Variants in USP34 observed in about 807,000 individuals in gnomAD.
The protein encoded by USP34 is ubiquitin carboxyl-terminal hydrolase 34.
In USP34, 70 loss-of-function variants were observed where a neutral mutation model predicts 460.3. The observed-to-expected ratio is 0.15, with a 90% CI of 0.13 to 0.19. USP34 has a LOEUF of 0.19. Ranked by LOEUF, USP34 falls within the 10% of genes least tolerant of loss-of-function variation. The probability of loss-of-function intolerance (pLI) is 1.00; values close to 1 mark genes in which losing one functional copy is unlikely to be tolerated. For missense variants in USP34, 3,985 were observed against 4,236.2 expected, an observed-to-expected ratio of 0.94 and a Z score of 1.65; for synonymous variants, 1,647 against 1,405.3, an observed-to-expected ratio of 1.17 and a Z score of -3.85.
At position 61,394,723 on chromosome 2, in the gene USP34, ATTTT is replaced by A. The variant is rs2103901668; in HGVS notation, c.753+126_753+129del. 4 of 632,202 alleles carry A rather than the reference ATTTT, an allele frequency of 6.3e-6. No individual in the cohort carries two copies. The East Asian group carries it at 1.3e-4, about 21-fold the overall frequency. The allele number at this position is 632,202 out of a possible 1,614,324, so 39.2% of individuals were successfully genotyped here. ...AGATCGTTAAAACGTTTCTGTACTC[ATTTT>A]GTCAAAATAAAAAAAAATTACACAT... is the stretch of plus-strand genomic sequence containing the variant. On this transcript the variant is annotated intron_variant, in intron 5 of 79. Coordinates refer to ENST00000398571, the MANE Select transcript of USP34 (RefSeq NM_014709.4).
At chr2:61,255,810 G>GT (rs1688709837) in intron 48 of USP34, among the ~76,000 whole-genome samples, 1 of 152,288 alleles carries the variant, frequency 6.6e-6, no homozygotes, top group Non-Finnish European at 1.5e-5. Flanking sequence ...TGGTCACTTA[G>GT]TAGCTCTCTT....
chr2:61,469,996 G>C (rs1036042174), intron 1 of USP34, among the ~76,000 whole-genome samples: 2 of 152,184 alleles, frequency 1.3e-5, no homozygotes, highest in African/African-American at 2.4e-5. Flanking sequence ...ACAGTGCTCT[G>C]CTTAACAGAA....
chr2:61,456,705 C>A (rs1695450778), intron 1 of USP34, among the ~76,000 whole-genome samples: 1 of 152,076 alleles, frequency 6.6e-6, no homozygotes, highest in Admixed American at 6.6e-5. Context: ...ATAATCCCAA[C>A]ATTTTGGGAG....
chr2:61,376,189 A>G (rs1454365159), intron 8 of USP34, among the ~76,000 whole-genome samples: 1 of 144,736 alleles, frequency 6.9e-6, no homozygotes, highest in Non-Finnish European at 1.5e-5. Flanking sequence ...TATATTTTAA[A>G]AAGTGAATTT....
chr2:61,230,328 C>T lies in USP34; in HGVS notation c.7114-695G>A, dbSNP rs145875742. On this transcript the variant is annotated intron_variant, in intron 58 of 79. Coordinates refer to ENST00000398571, the MANE Select transcript of USP34 (RefSeq NM_014709.4). ...ATCACCTGAGGTCAGGAGTTCGAGA[C>T]CAGCCTAGCCAACATGGCAAAACCC... Among the ~76,000 whole-genome samples, 1,339 of 152,220 alleles carry T rather than the reference C, an allele frequency of 8.8e-3. 5 individuals are homozygous for T. Among genetic ancestry groups the T allele is most frequent in the Non-Finnish European group, 0.014 (983 of 68,012 alleles).
rs1192782498 is a variant in USP34, at chr2:61,187,577, C to T, written c.*525G>A. 2.2e-5 allele frequency: 21 copies of T among 940,342 alleles called. No homozygotes were observed. Among genetic ancestry groups the T allele is most frequent in the Non-Finnish European group, 2.5e-5 (20 of 788,492 alleles). The allele number at this position is 940,342 out of a possible 1,614,324, so 58.2% of individuals were successfully genotyped here. A position where few individuals can be genotyped will look rare whatever the true frequency, so the allele number is the denominator to read the frequency against. On this transcript the variant is annotated 3_prime_UTR_variant, in exon 80 of 80. Transcript: ENST00000398571. ...CATCAAGTGTGCTTTATTTCCTCCA[C>T]AGGTATTCTGTTAAATAAAGCACCA...
intron 1 of USP34, among the ~76,000 whole-genome samples, chr2:61,446,942 T>C (rs1172477700): frequency 6.6e-6 from 1 of 152,048 alleles, no homozygotes; most frequent in East Asian, 1.9e-4. Flanking sequence ...TGTTGACACA[T>C]TTCATTACAC....
At chr2:61,457,832 A>C (rs1477652204) in intron 1 of USP34, among the ~76,000 whole-genome samples, 1 of 152,204 alleles carries the variant, frequency 6.6e-6, no homozygotes, top group Non-Finnish European at 1.5e-5. Context: ...TGAGTGACAG[A>C]GTGAGACCCT....
intron 50 of USP34, among the ~76,000 whole-genome samples, chr2:61,246,037 T>C (rs1415188589): frequency 3.3e-5 from 5 of 152,228 alleles, no homozygotes; most frequent in African/African-American, 1.2e-4. Context: ...TGAACAGCTC[T>C]TGAATGAATA....
intron 2 of USP34, among the ~76,000 whole-genome samples, chr2:61,416,640 C>T (rs1694202582): frequency 6.6e-6 from 1 of 152,120 alleles, no homozygotes; most frequent in Non-Finnish European, 1.5e-5. Flanking sequence ...ACATGATATT[C>T]CTTTGCAGAT....
chr2:61,255,643 A>G (rs535265470), intron 48 of USP34, among the ~76,000 whole-genome samples: 13 of 152,386 alleles, frequency 8.5e-5, no homozygotes, highest in Admixed American at 3.9e-4. Flanking sequence ...GCTAGTACAA[A>G]AAGTCCCTAG....
chr2:61,361,441 A>G (rs1692273338), intron 10 of USP34, among the ~76,000 whole-genome samples: 1 of 152,182 alleles, frequency 6.6e-6, no homozygotes, highest in Non-Finnish European at 1.5e-5. Context: ...CATATTATAT[A>G]TGGCACTGGC....
chr2:61,402,791 T>C (rs1170888308), intron 3 of USP34, among the ~76,000 whole-genome samples: 1 of 152,220 alleles, frequency 6.6e-6, no homozygotes, highest in Non-Finnish European at 1.5e-5. Context: ...TAAAAATCTC[T>C]AGTAAGCTGT....
At chr2:61,272,592 A>G (rs577805128) in intron 41 of USP34, among the ~76,000 whole-genome samples, 1 of 152,232 alleles carries the variant, frequency 6.6e-6, no homozygotes, top group Admixed American at 6.5e-5. Flanking sequence ...CCCTTGACTC[A>G]TACATTTGCC....
chr2:61,215,444 C>T (rs1286640139), intron 67 of USP34, among the ~76,000 whole-genome samples: 1 of 152,234 alleles, frequency 6.6e-6, no homozygotes, highest in Non-Finnish European at 1.5e-5. Flanking sequence ...GCTAAACTTA[C>T]ACCCAAGGAA....
chr2:61,420,690 G>A (rs748465432), intron 2 of USP34, 56 bp downstream of exon 2: 38 of 1,350,100 alleles, frequency 2.8e-5, no homozygotes, highest in African/African-American at 1.3e-4. Flanking sequence ...AATAAAAATC[G>A]CAACTTATAA....
At chr2:61,310,921 AAAAGTCT>A (rs1690572301) in intron 27 of USP34, among the ~76,000 whole-genome samples, 1 of 152,166 alleles carries the variant, frequency 6.6e-6, no homozygotes, top group Admixed American at 6.6e-5. Flanking sequence ...TGGTCACATC[AAAAGTCT>A]AAAATAGAAT....
intron 1 of USP34, among the ~76,000 whole-genome samples, chr2:61,422,240 T>A (rs1176281291): frequency 6.6e-6 from 1 of 152,186 alleles, no homozygotes; most frequent in Admixed American, 6.5e-5. Context: ...GGGATCACAG[T>A]ACGCCATGCC....
chr2:61,370,340 C>T lies in USP34; in HGVS notation c.1232G>A (p.Cys411Tyr), dbSNP rs1692581627. 1.2e-6 allele frequency: 2 copies of T among 1,613,934 alleles called. No individual in the cohort carries two copies. The highest frequency in any genetic ancestry group is 2.7e-5 in the African/African-American group (2 of 74,924). The change falls in exon 10 of 80, where the codon TGT becomes TAT. Residue 411 changes from cysteine (C) to tyrosine (Y), a missense_variant. Transcript: ENST00000398571. ...TATTACCTGTGCTGCAGCCCAAATA[C>T]AGTCAATATGTTGAGTACTCAGTCG... The part of the protein sequence containing the change: ...EGRLSTQHID[C>Y]IWAAAQLKHC...
Sources: gnomAD v4.1 joint callset for allele counts (sites outside exome capture counted in the v4.1 genomes callset) on GRCh38, gnomAD v4.1.1 for gene constraint, MANE v1.5 for transcripts, NCBI Gene and HGNC (gene_info 2026-07-23, HGNC 2026-07-21) for gene names.